Variants in MLLT10 observed in about 807,000 individuals in gnomAD.
MLLT10 encodes protein AF-10.
MLLT10 carries 30 observed loss-of-function variants against 129.1 expected under a neutral mutation model. The ratio of observed to expected loss-of-function variants is 0.23; its 90% CI spans 0.17 to 0.32. The LOEUF (loss-of-function observed/expected upper bound fraction) is 0.32, where lower values mean the gene tolerates loss of function less well. MLLT10 is among the 10% of genes least tolerant of loss of function. MLLT10 has a pLI of 1.00. For missense variants in MLLT10, 1,119 were observed against 1,268.3 expected, an observed-to-expected ratio of 0.88 and a Z score of 1.79; for synonymous variants, 490 against 446.4, an observed-to-expected ratio of 1.10 and a Z score of -1.23.
chr10:21,579,303 T>C (rs1381001817), intron 3 of MLLT10, among the ~76,000 whole-genome samples: 1 of 152,218 alleles, frequency 6.6e-6, no homozygotes, highest in Non-Finnish European at 1.5e-5. Context: ...CCTCTGTGTT[T>C]GCTGTTTAGC....
intron 13 of MLLT10, among the ~76,000 whole-genome samples, chr10:21,694,132 C>T (rs753253739): frequency 3.3e-5 from 5 of 152,140 alleles, no homozygotes; most frequent in Admixed American, 6.5e-5. Flanking sequence ...GAGTAAGTTG[C>T]GCACCGTATC....
rs1334195974 is a variant in MLLT10, at chr10:21,742,089, C to G, written c.*106C>G. On this transcript the variant is annotated 3_prime_UTR_variant, in exon 23 of 23. Transcript: ENST00000307729. ...CTATGAAGAAACGCAACAAGAAACT[C>G]AATGCACAACAAAGGATTAATTGCT... The G allele has an allele frequency of 2.1e-6, 2 of 944,314 alleles. No homozygotes were observed. Among genetic ancestry groups the G allele is most frequent in the Non-Finnish European group, 3.3e-6 (2 of 605,246 alleles). 58.5% of individuals were successfully genotyped at this position (944,314 alleles called of 1,614,324 possible). A position where few individuals can be genotyped will look rare whatever the true frequency, so the allele number is the denominator to read the frequency against.
intron 2 of MLLT10, 127 bp downstream of exon 2, chr10:21,534,931 G>A: frequency 2.0e-6 from 1 of 512,732 alleles, no homozygotes; most frequent in Non-Finnish European, 2.5e-6. Flanking sequence ...CGGAGGGTCC[G>A]CGGCGGGGCG....
At chr10:21,664,416 C>A (rs577721348) in intron 9 of MLLT10, among the ~76,000 whole-genome samples, 37 of 150,796 alleles carry the variant, frequency 2.5e-4, no homozygotes, top group Non-Finnish European at 4.6e-4. Flanking sequence ...CAGGTTCAAG[C>A]GATTCTCCTG....
rs1038519314 is a variant in MLLT10, at chr10:21,615,054, A to AT, written c.603+131dup. 4.5e-6 allele frequency: 3 copies of AT among 661,378 alleles called. No homozygotes were observed. In the African/African-American group the frequency reaches 5.5e-5, roughly 12 times the overall value. The allele number at this position is 661,378 out of a possible 1,614,324, so 41.0% of individuals were successfully genotyped here. ...TTTTTGGCTGGAGATTGTGTTTAGC[A>AT]TGTTCTTTATTGGAAGTAAATAGAT... On this transcript the variant is annotated intron_variant, in intron 7 of 22. Transcript: ENST00000307729.
At position 21,612,339 on chromosome 10, in the gene MLLT10, A is replaced by T; in HGVS notation, c.406-9A>T. ...TATGATTTTTGTCTTTTTTTTTTTT[A>T]ACCCCAAGACTTGCTACATTTGTGA... On this transcript the variant is annotated splice_polypyrimidine_tract_variant and intron_variant, in intron 5 of 22. Transcript: ENST00000307729. The T allele has an allele frequency of 1.3e-6, 2 of 1,529,902 alleles. No homozygotes were observed. The allele number at this position is 1,529,902 out of a possible 1,614,324, so 94.8% of individuals were successfully genotyped here. A position where few individuals can be genotyped will look rare whatever the true frequency, so the allele number is the denominator to read the frequency against.
chr10:21,664,582 G>T (rs1211922613), intron 9 of MLLT10, among the ~76,000 whole-genome samples: 1 of 151,562 alleles, frequency 6.6e-6, no homozygotes, highest in Non-Finnish European at 1.5e-5. Flanking sequence ...GGCGTGCCCG[G>T]CTCTATGTGT....
At chr10:21,576,983 C>T (rs1393319561) in intron 3 of MLLT10, among the ~76,000 whole-genome samples, 3 of 152,168 alleles carry the variant, frequency 2.0e-5, no homozygotes, top group African/African-American at 7.2e-5. Context: ...TTTTAGAACA[C>T]TTGTATCCCC....
At chr10:21,625,441 CT>C in intron 8 of MLLT10, 1 of 928,030 alleles carries the variant, frequency 1.1e-6, no homozygotes, top group Non-Finnish European at 1.8e-6. Context: ...ATACTTTTAC[CT>C]TAGCCATGAC....
intron 13 of MLLT10, among the ~76,000 whole-genome samples, chr10:21,695,354 A>G (rs2054264719): frequency 6.6e-6 from 1 of 152,104 alleles, no homozygotes; most frequent in Non-Finnish European, 1.5e-5. Context: ...AACCCCAGAT[A>G]ATTTGTTTCC....
chr10:21,554,480 A>T (rs1462451474), intron 3 of MLLT10, among the ~76,000 whole-genome samples: 1 of 139,962 alleles, frequency 7.1e-6, no homozygotes, highest in Non-Finnish European at 1.5e-5. Flanking sequence ...TTTGAGATGG[A>T]GTCTTGCTCT....
intron 3 of MLLT10, among the ~76,000 whole-genome samples, chr10:21,551,289 CT>C (rs11461905): frequency 0.024 from 2,174 of 91,914 alleles, 37 homozygotes; most frequent in African/African-American, 0.072. Flanking sequence ...CGGATTGTAC[CT>C]TTTTTTTTTT....
intron 9 of MLLT10, among the ~76,000 whole-genome samples, chr10:21,655,928 A>AG (rs1265526435): frequency 6.6e-6 from 1 of 152,066 alleles, no homozygotes; most frequent in African/African-American, 2.4e-5. Flanking sequence ...CTGTTGAAGG[A>AG]GGGGTGGCAG....
chr10:21,713,741 TTA>T (rs757465217), intron 13 of MLLT10, 29 bp from the exon 14 acceptor site: 5 of 1,589,238 alleles, frequency 3.1e-6, no homozygotes, highest in African/African-American at 1.3e-5. Context: ...GACTGCTAAG[TTA>T]TATTTAAATA....
intron 11 of MLLT10, among the ~76,000 whole-genome samples, chr10:21,674,717 T>G (rs2051891124): frequency 6.6e-6 from 1 of 152,208 alleles, no homozygotes; most frequent in African/African-American, 2.4e-5. Flanking sequence ...CATCTTGAAT[T>G]TAAGATAAAT....
chr10:21,740,554 CA>C (rs2058742921), intron 22 of MLLT10, among the ~76,000 whole-genome samples: 2 of 152,170 alleles, frequency 1.3e-5, no homozygotes, highest in African/African-American at 4.8e-5. Context: ...TTTATAGAAC[CA>C]GTCTATATAT....
At chr10:21,556,704 A>C (rs754344733) in intron 3 of MLLT10, 1 of 1,612,602 alleles carries the variant, frequency 6.2e-7, no homozygotes, top group Non-Finnish European at 8.5e-7. Flanking sequence ...TACATAGAAC[A>C]TCACTGCGCA....
intron 3 of MLLT10, among the ~76,000 whole-genome samples, chr10:21,550,325 C>G (rs1451088539): frequency 6.6e-6 from 1 of 152,166 alleles, no homozygotes; most frequent in East Asian, 1.9e-4. Flanking sequence ...CTTCCCTAGT[C>G]TTAGTAGTCC....
At chr10:21,651,795 T>C (rs1053961341) in intron 9 of MLLT10, 27 bp downstream of exon 9, 2 of 1,509,460 alleles carry the variant, frequency 1.3e-6, no homozygotes, top group Admixed American at 3.5e-5. Flanking sequence ...ATATTTTGTT[T>C]TATGTAATAA....
Sources: gnomAD v4.1 joint callset for allele counts (sites outside exome capture counted in the v4.1 genomes callset) on GRCh38, gnomAD v4.1.1 for gene constraint, MANE v1.5 for transcripts, NCBI Gene and HGNC (gene_info 2026-07-23, HGNC 2026-07-21) for gene names.